Variants in GTF2F2 observed in about 807,000 individuals in gnomAD.
GTF2F2 encodes the protein ATP-dependent helicase GTF2F2.
In GTF2F2, 23 loss-of-function variants were observed where a neutral mutation model predicts 42.2. The observed-to-expected ratio is 0.55, with a 90% confidence interval of 0.39 to 0.77. The LOEUF is 0.77. GTF2F2 is among the 30% of genes least tolerant of loss of function. The pLI, the probability that GTF2F2 is intolerant of heterozygous loss-of-function variation, is 0.00. For synonymous variants in GTF2F2, 105 were observed against 100.8 expected, an observed-to-expected ratio of 1.04 and a Z score of -0.25; for missense variants, 261 against 287.2, an observed-to-expected ratio of 0.91 and a Z score of 0.66.
chr13:45,168,872 TCTCC>T (rs1871441939), intron 4 of GTF2F2, among the ~76,000 whole-genome samples: 1 of 37,004 alleles, frequency 2.7e-5, no homozygotes, highest in Non-Finnish European at 5.5e-5. Flanking sequence ...TCCTTGCTTC[TCTCC>T]CTCCTTCCCT....
At chr13:45,240,964 C>A (rs570344105) in intron 5 of GTF2F2, among the ~76,000 whole-genome samples, 2 of 147,460 alleles carry the variant, frequency 1.4e-5, no homozygotes, top group Non-Finnish European at 3.0e-5. Flanking sequence ...CATGGCAAAA[C>A]CCTGTTATTA....
At chr13:45,126,182 G>A (rs1868986617) in intron 1 of GTF2F2, among the ~76,000 whole-genome samples, 1 of 151,638 alleles carries the variant, frequency 6.6e-6, no homozygotes, top group Non-Finnish European at 1.5e-5. Flanking sequence ...AGCAGTTGGG[G>A]AACTAGATAT....
intron 7 of GTF2F2, among the ~76,000 whole-genome samples, chr13:45,275,936 C>G (rs1300726803): frequency 6.6e-6 from 1 of 152,176 alleles, no homozygotes; most frequent in South Asian, 2.1e-4. Context: ...AAAAGTGTTC[C>G]TATTTCTCCA....
chr13:45,217,257 C>T (rs1019634638), intron 5 of GTF2F2, among the ~76,000 whole-genome samples: 1 of 149,794 alleles, frequency 6.7e-6, no homozygotes, highest in Non-Finnish European at 1.5e-5. Context: ...GAGATCACGC[C>T]GCCACGCTCC....
chr13:45,233,194 T>C (rs1217171012), intron 5 of GTF2F2, among the ~76,000 whole-genome samples: 1 of 152,182 alleles, frequency 6.6e-6, no homozygotes, highest in Non-Finnish European at 1.5e-5. Context: ...TATGCTATGA[T>C]TGTGCCTGCG....
intron 4 of GTF2F2, among the ~76,000 whole-genome samples, chr13:45,181,792 C>A (rs1872178081): frequency 6.6e-6 from 1 of 152,090 alleles, no homozygotes; most frequent in South Asian, 2.1e-4. Context: ...TGCTTTTCAT[C>A]TGTTTTTTAA....
chr13:45,279,872 TC>T lies in GTF2F2; in HGVS notation c.631-3568del, dbSNP rs368227195. 2.2e-3 allele frequency among the ~76,000 whole-genome samples: 334 copies of T among 152,066 alleles called. 1 individual carries two copies. The highest frequency in any genetic ancestry group is 7.8e-3 in the African/African-American group (322 of 41,448). On this transcript the variant is annotated intron_variant, in intron 7 of 7. Transcript: ENST00000340473. ...GTGAGCCAAGATCATGCCATTGCAC[TC>T]CAGCCTGGGCAACGAGAGTGAAACT... is the stretch of plus-strand genomic sequence containing the variant.
At position 45,284,642 on chromosome 13, in the gene GTF2F2, T is replaced by C. The variant is rs1037703984; in HGVS notation, c.*1081T>C. ...GCTTCTAGATGCTGCAATCAAGAAGTAGCAAATGCCCAAGTTGCCATAGTG... is the reference window on the plus strand; with the variant it reads ...GCTTCTAGATGCTGCAATCAAGAAGCAGCAAATGCCCAAGTTGCCATAGTG... On this transcript the variant is annotated 3_prime_UTR_variant, in exon 8 of 8. Transcript: ENST00000340473. 1.3e-5 allele frequency: 2 copies of C among 151,836 alleles called. No individual in the cohort carries two copies. The highest frequency in any genetic ancestry group is 2.4e-5 in the African/African-American group (1 of 41,320). The allele number at this position is 151,836 out of a possible 1,614,324, so 9.4% of individuals were successfully genotyped here.
At chr13:45,170,469 G>A (rs1337596950) in intron 4 of GTF2F2, among the ~76,000 whole-genome samples, 1 of 152,196 alleles carries the variant, frequency 6.6e-6, no homozygotes, top group Non-Finnish European at 1.5e-5. Context: ...TGTCAGTTGA[G>A]TCAGTGATGC....
At chr13:45,274,167 T>C (rs955861002) in intron 7 of GTF2F2, among the ~76,000 whole-genome samples, 14 of 152,120 alleles carry the variant, frequency 9.2e-5, no homozygotes, top group Non-Finnish European at 1.6e-4. Flanking sequence ...AGTTCAATTA[T>C]ACATTAACAT....
At chr13:45,224,924 A>T (rs574939011) in intron 5 of GTF2F2, among the ~76,000 whole-genome samples, 2 of 152,228 alleles carry the variant, frequency 1.3e-5, no homozygotes, top group South Asian at 4.1e-4. Flanking sequence ...TTTGTCAGGC[A>T]TTGTGCTAGG....
intron 2 of GTF2F2, among the ~76,000 whole-genome samples, chr13:45,146,109 C>T (rs1870181508): frequency 1.3e-5 from 2 of 152,126 alleles, no homozygotes; most frequent in Admixed American, 1.3e-4. Flanking sequence ...TATGACCATC[C>T]TATCCAACCC....
chr13:45,171,293 G>C (rs1871587082), intron 4 of GTF2F2, among the ~76,000 whole-genome samples: 1 of 151,958 alleles, frequency 6.6e-6, no homozygotes, highest in Non-Finnish European at 1.5e-5. Flanking sequence ...CGGCCAGGCT[G>C]ATCTCGAATT....
intron 2 of GTF2F2, among the ~76,000 whole-genome samples, chr13:45,147,476 G>GA (rs1332495905): frequency 2.0e-5 from 3 of 152,208 alleles, no homozygotes; most frequent in Non-Finnish European, 4.4e-5. Context: ...GGACTGTGGT[G>GA]AATTTAGTGC....
chr13:45,205,217 C>T (rs1283991830), intron 4 of GTF2F2, among the ~76,000 whole-genome samples: 1 of 152,112 alleles, frequency 6.6e-6, no homozygotes, highest in East Asian at 1.9e-4. Flanking sequence ...CTGAGGAGAC[C>T]TCAGGAAACT....
At position 45,199,859 on chromosome 13, in the gene GTF2F2, A is replaced by C. The variant is rs145267457; in HGVS notation, c.305-7565A>C. ...CCTTCTGATTTTCTCATCACTTAAC[A>C]TCTGCTTGTGTCTTCAGTGATGAGG... On this transcript the variant is annotated intron_variant, in intron 4 of 7. Coordinates refer to ENST00000340473, the MANE Select transcript of GTF2F2 (RefSeq NM_004128.3). Among the ~76,000 whole-genome samples, 648 of 152,242 alleles carry C rather than the reference A, an allele frequency of 4.3e-3. 5 individuals carry two copies. The highest frequency in any genetic ancestry group is 0.014 in the Middle Eastern group (4 of 294).
chr13:45,201,295 G>A (rs1873170141), intron 4 of GTF2F2, among the ~76,000 whole-genome samples: 1 of 152,156 alleles, frequency 6.6e-6, no homozygotes, highest in Non-Finnish European at 1.5e-5. Context: ...CAAGCCTTGG[G>A]CAGCTTCTTA....
intron 5 of GTF2F2, among the ~76,000 whole-genome samples, chr13:45,251,621 C>T (rs1293635076): frequency 6.6e-6 from 1 of 151,738 alleles, no homozygotes; most frequent in African/African-American, 2.4e-5. Flanking sequence ...TAATTAAAGG[C>T]AATTTTCTAA....
chr13:45,240,151 G>T, intron 5 of GTF2F2, among the ~76,000 whole-genome samples: 1 of 122,338 alleles, frequency 8.2e-6, no homozygotes. Context: ...AACACCAACT[G>T]CCATGCACTC....
Sources: allele counts gnomAD v4.1 joint callset (sites outside exome capture counted in the v4.1 genomes callset), GRCh38; gene constraint gnomAD v4.1.1; transcripts MANE v1.5; gene names NCBI Gene and HGNC (gene_info 2026-07-23, HGNC 2026-07-21).